Variants in DYNC1I1 observed in about 807,000 individuals in gnomAD.
DYNC1I1 encodes the protein cytoplasmic dynein 1 intermediate chain 1.
Under a neutral mutation model 86.6 loss-of-function variants are expected in DYNC1I1, and 43 were observed. That is an observed-to-expected ratio of 0.50 (90% CI 0.39 to 0.64). The LOEUF is 0.64. DYNC1I1 is among the 30% of genes least tolerant of loss of function. The probability of loss-of-function intolerance (pLI) is 0.00; values close to 1 mark genes in which losing one functional copy is unlikely to be tolerated. For synonymous variants in DYNC1I1, 262 were observed against 283.7 expected, an observed-to-expected ratio of 0.92 and a Z score of 0.77; for missense variants, 604 against 788.8, an observed-to-expected ratio of 0.77 and a Z score of 2.81.
At chr7:95,805,800 G>C (rs1204985901) in intron 2 of DYNC1I1, among the ~76,000 whole-genome samples, 1 of 152,172 alleles carries the variant, frequency 6.6e-6, no homozygotes, top group African/African-American at 2.4e-5. Context: ...AACCAGAGCT[G>C]CTTCCCTATG....
chr7:95,885,541 T>C (rs1009926000), intron 6 of DYNC1I1, among the ~76,000 whole-genome samples: 2 of 152,188 alleles, frequency 1.3e-5, no homozygotes, highest in African/African-American at 4.8e-5. Flanking sequence ...TCCAGTGGCA[T>C]GATCATAGCT....
chr7:95,810,632 G>C, intron 3 of DYNC1I1, 126 bp downstream of exon 3: 1 of 798,492 alleles, frequency 1.3e-6, no homozygotes, highest in Non-Finnish European at 1.8e-6. Context: ...GACATTCTGT[G>C]GCTTATGGTT....
chr7:95,792,331 A>G lies in DYNC1I1; in HGVS notation c.-9-12390A>G, dbSNP rs925929349. Among the ~76,000 whole-genome samples, 91 of 152,132 alleles carry G rather than the reference A, an allele frequency of 6.0e-4. 1 individual carries two copies. The highest frequency in any genetic ancestry group is 2.1e-3 in the African/African-American group (85 of 41,430). On this transcript the variant is annotated intron_variant, in intron 1 of 16. Transcript: ENST00000447467. ...GGCACCTTGGCATATTGAATATTTT[A>G]AGCTGAAGGAACTTGAGAAATGGCA...
intron 6 of DYNC1I1, among the ~76,000 whole-genome samples, chr7:95,950,806 T>C (rs1792531490): frequency 6.6e-6 from 1 of 152,156 alleles, no homozygotes; most frequent in South Asian, 2.1e-4. Context: ...CAAAAGCATA[T>C]TGGTAAAATA....
At position 96,076,164 on chromosome 7, in the gene DYNC1I1, CT is replaced by C; in HGVS notation, c.1619del (p.Leu540TrpfsTer25). The C allele has an allele frequency of 6.2e-7, 1 of 1,614,208 alleles. No individual in the cohort carries two copies. ...LFACVDGMGR[L>X]DLWNLNNDTE... ...TTGCCTGCGTGGACGGGATGGGGCG[CT>C]TGGACCTCTGGAACCTCAACAATGA... is the stretch of plus-strand genomic sequence containing the variant. On this transcript the variant is annotated frameshift_variant, in exon 15 of 17. Transcript: ENST00000447467. LOFTEE classifies it high-confidence loss of function.
chr7:96,065,883 T>A (rs983281164), intron 14 of DYNC1I1, among the ~76,000 whole-genome samples: 1 of 152,208 alleles, frequency 6.6e-6, no homozygotes, highest in Non-Finnish European at 1.5e-5. Context: ...TTCTATTTTC[T>A]ACTCATTTAA....
intron 5 of DYNC1I1, among the ~76,000 whole-genome samples, chr7:95,862,442 C>T (rs2116129435): frequency 6.6e-6 from 1 of 151,538 alleles, no homozygotes; most frequent in African/African-American, 2.4e-5. Flanking sequence ...GGTCAGTAAG[C>T]ACAAAAAAAG....
At chr7:95,967,265 T>A (rs1467191394) in intron 6 of DYNC1I1, among the ~76,000 whole-genome samples, 1 of 152,134 alleles carries the variant, frequency 6.6e-6, no homozygotes, top group African/African-American at 2.4e-5. Flanking sequence ...CAAAAGGTTG[T>A]AGGAAATACC....
At chr7:95,959,022 A>T (rs1284185205) in intron 6 of DYNC1I1, among the ~76,000 whole-genome samples, 1 of 152,194 alleles carries the variant, frequency 6.6e-6, no homozygotes, top group Non-Finnish European at 1.5e-5. Flanking sequence ...TGTTCTGGGG[A>T]GGTAAACTTG....
intron 6 of DYNC1I1, among the ~76,000 whole-genome samples, chr7:95,939,276 G>A (rs986949116): frequency 1.3e-5 from 2 of 152,182 alleles, no homozygotes; most frequent in African/African-American, 2.4e-5. Flanking sequence ...ATATTCTGTT[G>A]ATTTGGGGTG....
chr7:96,077,401 TG>T (rs993007222), intron 15 of DYNC1I1, among the ~76,000 whole-genome samples: 1 of 152,184 alleles, frequency 6.6e-6, no homozygotes, highest in African/African-American at 2.4e-5. Context: ...AGTCTATTTT[TG>T]CTTTTAGCTA....
intron 10 of DYNC1I1, among the ~76,000 whole-genome samples, chr7:96,010,412 T>G (rs969128691): frequency 3.3e-5 from 5 of 152,126 alleles, no homozygotes; most frequent in African/African-American, 1.2e-4. Flanking sequence ...CTGCAAATGT[T>G]TGGGGATGGC....
chr7:96,079,078 G>A (rs950500190), intron 15 of DYNC1I1, among the ~76,000 whole-genome samples: 1 of 151,916 alleles, frequency 6.6e-6, no homozygotes, highest in Non-Finnish European at 1.5e-5. Flanking sequence ...TTAAGCGGGT[G>A]AAAGAATTTT....
At chr7:96,070,690 CAGCCTCGAG>C (rs1790134609) in intron 14 of DYNC1I1, among the ~76,000 whole-genome samples, 1 of 152,176 alleles carries the variant, frequency 6.6e-6, no homozygotes, top group South Asian at 2.1e-4. Flanking sequence ...GAGACAAATG[CAGCCTCGAG>C]AACCACAACA....
intron 2 of DYNC1I1, among the ~76,000 whole-genome samples, chr7:95,808,908 T>C (rs1372281847): frequency 6.6e-6 from 1 of 152,148 alleles, no homozygotes; most frequent in Non-Finnish European, 1.5e-5. Flanking sequence ...GCAACATCTT[T>C]TTTCTCATCT....
At chr7:96,096,325 AAAAAATATATT>A (rs1791004216) in intron 16 of DYNC1I1, among the ~76,000 whole-genome samples, 1 of 152,084 alleles carries the variant, frequency 6.6e-6, no homozygotes, top group South Asian at 2.1e-4. Flanking sequence ...TTTTTTCATT[AAAAAATATATT>A]AATTGAGATG....
chr7:96,024,079 A>G (rs1432238650), intron 10 of DYNC1I1, among the ~76,000 whole-genome samples: 2 of 152,166 alleles, frequency 1.3e-5, no homozygotes, highest in Admixed American at 6.5e-5. Flanking sequence ...ATATGAGCTC[A>G]TCGTATTTCT....
chr7:95,824,454 G>A (rs1795161206), intron 4 of DYNC1I1, among the ~76,000 whole-genome samples: 1 of 152,082 alleles, frequency 6.6e-6, no homozygotes, highest in Admixed American at 6.6e-5. Context: ...TGCATTGATT[G>A]AGCCATGCCA....
At chr7:95,964,279 G>T (rs971966476) in intron 6 of DYNC1I1, among the ~76,000 whole-genome samples, 1 of 152,144 alleles carries the variant, frequency 6.6e-6, no homozygotes, top group Non-Finnish European at 1.5e-5. Context: ...TAGAGAACAA[G>T]AATTCTAAAG....
Sources: allele counts gnomAD v4.1 joint callset (sites outside exome capture counted in the v4.1 genomes callset), GRCh38; gene constraint gnomAD v4.1.1; transcripts MANE v1.5; gene names NCBI Gene and HGNC (gene_info 2026-07-23, HGNC 2026-07-21).